LNX2: variants seen among roughly 807,000 people sequenced by gnomAD.
LNX2 encodes ligand of Numb protein X 2.
In LNX2, 35 loss-of-function variants were observed where a neutral mutation model predicts 66.2. The observed-to-expected ratio is 0.53, with a 90% CI of 0.40 to 0.70. LNX2 has a LOEUF of 0.70. Ranked by LOEUF, LNX2 falls within the 30% of genes least tolerant of loss-of-function variation. The pLI, the probability that LNX2 is intolerant of heterozygous loss-of-function variation, is 0.00. For synonymous variants in LNX2, 337 were observed against 315.6 expected (o/e 1.07, Z -0.72); for missense variants, 791 against 850.8 (o/e 0.93, Z 0.87).
rs1033999834 is a variant in LNX2, at chr13:27,618,371, G to T, written c.-101+2004C>A. ...GATGACAAACCTAAGGAACAAAGAG[G>T]TTTCAGTGTATGACAGAGCCTGATT... On this transcript the variant is annotated intron_variant, in intron 1 of 9. Coordinates refer to ENST00000316334, the MANE Select transcript of LNX2 (RefSeq NM_153371.4). 2.6e-5 allele frequency among the ~76,000 whole-genome samples: 4 copies of T among 152,256 alleles called. No homozygotes were observed. The South Asian group carries it at 8.3e-4, about 32-fold the overall frequency.
Position 27,588,021 on chromosome 13 carries a change from C to CAA in LNX2, c.-100-6220_-100-6219dup, listed in dbSNP as rs56812051. Among the ~76,000 whole-genome samples the CAA allele has an allele frequency of 1.1e-3, 101 of 93,512 alleles. 2 individuals are homozygous for CAA. Among genetic ancestry groups the CAA allele is most frequent in the Non-Finnish European group, 1.6e-3 (71 of 45,538 alleles). The allele number at this position is 93,512 out of a possible 152,430, so 61.3% of individuals were successfully genotyped here. A position where few individuals can be genotyped will look rare whatever the true frequency, so the allele number is the denominator to read the frequency against. On this transcript the variant is annotated intron_variant, in intron 1 of 9. Coordinates refer to ENST00000316334, the MANE Select transcript of LNX2 (RefSeq NM_153371.4). ...GGGCAAGAGTGCGAGACTCTTGTCA[C>CAA]AAAAAAAAAAAAAAAAAAAAAAAAA...
rs1955147882 is a variant in LNX2 at position 27,562,534 on chromosome 13, T to A, written c.1103A>T (p.Asp368Val). The change falls in exon 5 of 10, where the codon GAC becomes GTC. Residue 368 changes from aspartate to valine, a missense_variant. Transcript: ENST00000316334. ...GGCAGCCAACCCCCCTTCCAACAGGTCAAGAATAAAAACCCCTGGCTCATC... is the reference window on the plus strand; with the variant it reads ...GGCAGCCAACCCCCCTTCCAACAGGACAAGAATAAAAACCCCTGGCTCATC... The part of the protein sequence containing the change: ...RTDEPGVFIL[D>V]LLEGGLAAQD... 6.2e-7 allele frequency: 1 copy of A among 1,613,880 alleles called. No individual in the cohort carries two copies. Among genetic ancestry groups the A allele is most frequent in the South Asian group, 1.1e-5 (1 of 91,078 alleles).
In LNX2 at chr13:27,569,114, C is replaced by T. The variant is rs754527537; in HGVS notation, c.570G>A (p.Arg190=). ...TGGAAAGAGACGCTGATGTCAAGTG[C>T]CGCTCCACAGGCACTGCGCCTGTCC... ...CLGTGAVPVE[R]HLTSASLSTW... Residue 190 remains arginine, a synonymous_variant, in exon 3 of 10, where the codon CGG becomes CGA. Transcript: ENST00000316334. 1.2e-6 allele frequency: 2 copies of T among 1,613,140 alleles called. No homozygotes were observed. The highest frequency in any genetic ancestry group is 1.7e-6 in the Non-Finnish European group (2 of 1,179,654).
At position 27,585,431 on chromosome 13, in the gene LNX2, AAAAAT is replaced by A. The variant is rs1303355972; in HGVS notation, c.-100-3633_-100-3629del. On this transcript the variant is annotated intron_variant, in intron 1 of 9. Coordinates refer to ENST00000316334, the MANE Select transcript of LNX2 (RefSeq NM_153371.4). ...AGCAAGACTCTGTCTCAAAAAGGAA[AAAAAT>A]AAAATAAATAAATAAATATATAAAA... Among the ~76,000 whole-genome samples, 9 of 151,920 alleles carry A rather than the reference AAAAAT, an allele frequency of 5.9e-5. No homozygotes were observed. In the East Asian group the frequency reaches 1.3e-3, roughly 23 times the overall value.
chr13:27,615,704 A>G (rs986047747), intron 1 of LNX2, among the ~76,000 whole-genome samples: 1 of 152,216 alleles, frequency 6.6e-6, no homozygotes, highest in African/African-American at 2.4e-5. Flanking sequence ...ATGCCAGGAA[A>G]CAGGGATAAA....
intron 1 of LNX2, among the ~76,000 whole-genome samples, chr13:27,582,591 C>A (rs753079460): frequency 1.3e-5 from 2 of 152,098 alleles, no homozygotes; most frequent in Non-Finnish European, 2.9e-5. Context: ...TCAAAGATTG[C>A]GTCTTTGAAA....
Position 27,562,251 on chromosome 13 carries a change from A to G in LNX2, c.1224+162T>C, listed in dbSNP as rs11838595. On this transcript the variant is annotated intron_variant, in intron 5 of 9. Transcript: ENST00000316334. ...TTTTAGAAAAGACTATCTCCAATGA[A>G]GTTATACTAGTGTGGATTTTAAAGA... is the stretch of plus-strand genomic sequence containing the variant. 3.3e-3 allele frequency among the ~76,000 whole-genome samples: 505 copies of G among 152,162 alleles called. 2 individuals carry two copies. The highest frequency in any genetic ancestry group is 0.012 in the African/African-American group (481 of 41,578).
chr13:27,569,680 G>A (rs557744236), intron 2 of LNX2, among the ~76,000 whole-genome samples: 5 of 152,244 alleles, frequency 3.3e-5, no homozygotes, highest in Admixed American at 3.3e-4. Context: ...ACAAGTGGTT[G>A]CGTCCTGACT....
intron 1 of LNX2, among the ~76,000 whole-genome samples, chr13:27,592,305 G>C (rs1355674474): frequency 1.3e-5 from 2 of 152,170 alleles, no homozygotes; most frequent in Non-Finnish European, 2.9e-5. Flanking sequence ...TCTGAAGGTA[G>C]AACCAATACA....
chr13:27,574,489 A>C (rs1275511909), intron 2 of LNX2, among the ~76,000 whole-genome samples: 1 of 152,112 alleles, frequency 6.6e-6, no homozygotes, highest in African/African-American at 2.4e-5. Flanking sequence ...GCAAACTTGC[A>C]GATAGGTTTA....
rs1288055344 is a variant in LNX2, at chr13:27,546,368, A to G, written c.*1967T>C. The G allele has an allele frequency of 6.6e-6, 1 of 152,216 alleles. No homozygotes were observed. Among genetic ancestry groups the G allele is most frequent in the African/African-American group, 2.4e-5 (1 of 41,454 alleles). The allele number at this position is 152,216 out of a possible 1,614,324, so 9.4% of individuals were successfully genotyped here. A position where few individuals can be genotyped will look rare whatever the true frequency, so the allele number is the denominator to read the frequency against. On this transcript the variant is annotated 3_prime_UTR_variant, in exon 10 of 10. Transcript: ENST00000316334. ...ACAAAATTCTATTTGGGGAGCAGGG[A>G]AAAAACTTGTTCCATGTCAATTAGA...
chr13:27,585,436 T>A (rs1448857769), intron 1 of LNX2, among the ~76,000 whole-genome samples: 1 of 150,658 alleles, frequency 6.6e-6, no homozygotes, highest in East Asian at 1.9e-4. Context: ...AGGAAAAAAA[T>A]AAAATAAATA....
At chr13:27,587,675 A>G (rs1434902045) in intron 1 of LNX2, among the ~76,000 whole-genome samples, 5 of 152,340 alleles carry the variant, frequency 3.3e-5, no homozygotes, top group Admixed American at 3.3e-4. Flanking sequence ...CAACACAGGA[A>G]AATTTTCTCA....
intron 2 of LNX2, among the ~76,000 whole-genome samples, chr13:27,578,600 C>T (rs1955365670): frequency 6.6e-6 from 1 of 152,170 alleles, no homozygotes; most frequent in Non-Finnish European, 1.5e-5. Context: ...AAGGCTAGAT[C>T]ATATGAGGCC....
Position 27,569,121 on chromosome 13 carries a change from A to C in LNX2, c.563T>G (p.Val188Gly), listed in dbSNP as rs1444915699. The C allele has an allele frequency of 6.2e-7, 1 of 1,613,292 alleles. No individual in the cohort carries two copies. Among genetic ancestry groups the C allele is most frequent in the Non-Finnish European group, 8.5e-7 (1 of 1,179,742 alleles). The change falls in exon 3 of 10, where the codon GTG becomes GGG. Residue 188 changes from valine to glycine, a missense_variant. By Grantham distance (109) the Val-to-Gly change is moderately radical. Transcript: ENST00000316334. ...ADCLGTGAVP[V>G]ERHLTSASLS... is the part of the protein sequence containing the mutation. Reference sequence around the variant, plus strand: ...AGACGCTGATGTCAAGTGCCGCTCCACAGGCACTGCGCCTGTCCCCAAACA... The same window carrying C: ...AGACGCTGATGTCAAGTGCCGCTCCCCAGGCACTGCGCCTGTCCCCAAACA...
At position 27,553,316 on chromosome 13, in the gene LNX2, A is replaced by C. The variant is rs1484758583; in HGVS notation, c.1670T>G (p.Ile557Ser). 2 of 1,614,016 alleles carry C rather than the reference A, an allele frequency of 1.2e-6. No individual in the cohort carries two copies. Among genetic ancestry groups the C allele is most frequent in the African/African-American group, 1.3e-5 (1 of 74,904 alleles). Residue 557 changes from isoleucine (I) to serine (S), a missense_variant, in exon 8 of 10, where the codon ATT (isoleucine) becomes AGT (serine). By Grantham distance (142) the Ile-to-Ser change is moderately radical. Transcript: ENST00000316334. ...AVALKALEVQ[I>S]VEEATQNAEE... is the part of the protein sequence containing the mutation. ...CGCGTTCTGAGTCGCCTCCTCAACA[A>C]TCTGGACCTCAAGTGCTTTAAGGGC...
intron 1 of LNX2, among the ~76,000 whole-genome samples, chr13:27,616,194 G>GGT (rs1555270613): frequency 1.3e-5 from 2 of 150,286 alleles, no homozygotes; most frequent in Admixed American, 6.6e-5. Context: ...GGTTGGGGGG[G>GGT]GTAGCAGGGA....
At chr13:27,605,790 T>A (rs569545075) in intron 1 of LNX2, among the ~76,000 whole-genome samples, 1 of 152,316 alleles carries the variant, frequency 6.6e-6, no homozygotes, top group South Asian at 2.1e-4. Context: ...TTACAATGAT[T>A]AATATTGGCA....
At position 27,553,279 on chromosome 13, in the gene LNX2, C is replaced by T. The variant is rs144845351; in HGVS notation, c.1707G>A (p.Pro569=). The part of the protein sequence containing the change: ...EEATQNAEEQ[P]STFSENEYDA... ...CATACTCATTTTCGCTGAAAGTACTCGGCTGCTCCTCCGCGTTCTGAGTCG... is the reference window on the plus strand; with the variant it reads ...CATACTCATTTTCGCTGAAAGTACTTGGCTGCTCCTCCGCGTTCTGAGTCG... Residue 569 remains proline, a synonymous_variant, in exon 8 of 10, where the codon CCG becomes CCA. Coordinates refer to ENST00000316334, the MANE Select transcript of LNX2 (RefSeq NM_153371.4). 3.7e-6 allele frequency: 6 copies of T among 1,614,054 alleles called. No homozygotes were observed. Among genetic ancestry groups the T allele is most frequent in the South Asian group, 1.1e-5 (1 of 91,086 alleles).
Sources: allele counts gnomAD v4.1 joint callset (sites outside exome capture counted in the v4.1 genomes callset), GRCh38; gene constraint gnomAD v4.1.1; transcripts MANE v1.5; gene names NCBI Gene and HGNC (gene_info 2026-07-23, HGNC 2026-07-21).